The following SLC9A1 variants were observed in gnomAD, a reference collection of about 807,000 sequenced individuals.
The protein encoded by SLC9A1 is sodium/hydrogen exchanger 1.
SLC9A1 carries 22 observed loss-of-function variants against 67.9 expected under a neutral mutation model. The observed-to-expected ratio is 0.32, with a 90% CI of 0.23 to 0.46. SLC9A1 has a LOEUF of 0.46. SLC9A1 is among the 20% of genes least tolerant of loss of function. The pLI is 1.00. For missense variants in SLC9A1, 686 were observed against 1,094.8 expected, an observed-to-expected ratio of 0.63 and a Z score of 5.27; for synonymous variants, 421 against 471.8, an observed-to-expected ratio of 0.89 and a Z score of 1.40.
At chr1:27,123,851 G>T (rs1389577551) in intron 1 of SLC9A1, among the ~76,000 whole-genome samples, 1 of 148,510 alleles carries the variant, frequency 6.7e-6, no homozygotes, top group Non-Finnish European at 1.5e-5. Context: ...TTTTGAGACG[G>T]AGTCCCGCAC....
chr1:27,131,947 A>AAAAAAAATATATATATATATATAT, intron 1 of SLC9A1, among the ~76,000 whole-genome samples: 1 of 52,126 alleles, frequency 1.9e-5, no homozygotes, highest in African/African-American at 6.3e-5. Context: ...AGAAAAAAAA[A>AAAAAAAATATATATATATATATAT]ATATATATAT....
At position 27,105,986 on chromosome 1, in the gene SLC9A1, C is replaced by G; in HGVS notation, c.1384G>C (p.Ala462Pro). Residue 462 changes from alanine (A) to proline (P), a missense_variant, in exon 5 of 12, where the codon GCC (alanine) becomes CCC (proline). Transcript: ENST00000263980. ...IAYGGLRGAI[A>P]FSLGYLLDKK... is the part of the protein sequence containing the mutation. ...TCCAGGAGGTAGCCCAGAGAGAAGG[C>G]GATGGCCCCTCGCAGGCCCCCATAG... 6.2e-7 allele frequency: 1 copy of G among 1,613,546 alleles called. No individual in the cohort carries two copies. Among genetic ancestry groups the G allele is most frequent in the Non-Finnish European group, 8.5e-7 (1 of 1,179,884 alleles).
chr1:27,107,985 C>T, intron 3 of SLC9A1, 120 bp from the exon 4 acceptor site: 1 of 704,136 alleles, frequency 1.4e-6, no homozygotes, highest in South Asian at 1.7e-5. Flanking sequence ...CCTCTATGGG[C>T]CAGGGGCCCG....
intron 1 of SLC9A1, among the ~76,000 whole-genome samples, chr1:27,143,907 T>A (rs2083466586): frequency 6.6e-6 from 1 of 152,210 alleles, no homozygotes; most frequent in Admixed American, 6.5e-5. Context: ...ACAAGACAGT[T>A]AACAGTGGTA....
intron 1 of SLC9A1, among the ~76,000 whole-genome samples, chr1:27,151,814 A>T (rs531043182): frequency 2.7e-4 from 41 of 152,280 alleles, no homozygotes; most frequent in Admixed American, 7.8e-4. Context: ...TCTTTAGACC[A>T]CCTTTCTCTC....
intron 1 of SLC9A1, among the ~76,000 whole-genome samples, chr1:27,131,947 A>AAAAAAAAAAT: frequency 1.6e-3 from 85 of 52,090 alleles, no homozygotes; most frequent in Non-Finnish European, 2.3e-3. Flanking sequence ...AGAAAAAAAA[A>AAAAAAAAAAT]ATATATATAT....
intron 1 of SLC9A1, among the ~76,000 whole-genome samples, chr1:27,142,952 T>A (rs544421668): frequency 6.6e-6 from 1 of 151,154 alleles, no homozygotes; most frequent in South Asian, 2.1e-4. Context: ...CCCAGACCAG[T>A]TAGTCCTCTA....
Position 27,114,326 on chromosome 1 carries a change from A to G in SLC9A1, c.353-40T>C, listed in dbSNP as rs367881059. On this transcript the variant is annotated intron_variant, in intron 1 of 11. Transcript: ENST00000263980. This position sits in a 1 kb window ranked among gnomAD's most constrained non-coding sequence, Gnocchi z 5.4. ...AGAACGGGAGGCCATGGGCTTTCGGAGGAGCCAGGAGAATAGAAGGTTGGG... is the reference window on the plus strand; with the variant it reads ...AGAACGGGAGGCCATGGGCTTTCGGGGGAGCCAGGAGAATAGAAGGTTGGG... 6.5e-6 allele frequency: 10 copies of G among 1,531,822 alleles called. No homozygotes were observed. Among genetic ancestry groups the G allele is most frequent in the Non-Finnish European group, 8.9e-6 (10 of 1,119,690 alleles). 94.9% of individuals were successfully genotyped at this position (1,531,822 alleles called of 1,614,324 possible). A position where few individuals can be genotyped will look rare whatever the true frequency, so the allele number is the denominator to read the frequency against.
intron 1 of SLC9A1, among the ~76,000 whole-genome samples, chr1:27,146,789 C>T (rs563685971): frequency 6.6e-6 from 1 of 151,936 alleles, no homozygotes; most frequent in East Asian, 1.9e-4. Context: ...CAAAAATAAA[C>T]AAAATAAAAA....
rs1199965335 is a variant in SLC9A1 at position 27,101,819 on chromosome 1, G to T, written c.1943C>A (p.Ser648Tyr). The T allele has an allele frequency of 1.2e-6, 2 of 1,611,300 alleles. No homozygotes were observed. The highest frequency in any genetic ancestry group is 1.1e-5 in the South Asian group (1 of 90,964). Reference protein sequence around the residue: ...NLQKTRQRLRSYNRHTLVADP... With the variant: ...NLQKTRQRLRYYNRHTLVADP... ...TGCCACCAGCGTGTGTCTGTTGTAGGACCGCAGCTGTGGGAGGGACAGCGT... is the reference window on the plus strand; with the variant it reads ...TGCCACCAGCGTGTGTCTGTTGTAGTACCGCAGCTGTGGGAGGGACAGCGT... The change falls in exon 10 of 12, where the codon TCC (serine) becomes TAC (tyrosine). Residue 648 changes from serine (S) to tyrosine (Y), a missense_variant. Ser to Tyr is a moderately radical substitution (Grantham distance 144). Around this residue, in one of 7 missense-constraint regions of SLC9A1, gnomAD observed 226 missense variants for 282.4 expected, o/e 0.80. Coordinates refer to ENST00000263980, the MANE Select transcript of SLC9A1 (RefSeq NM_003047.5). The surrounding 1 kb of genome is among the most constrained non-coding windows in gnomAD (Gnocchi z 4.9).
At chr1:27,123,509 C>T (rs931959907) in intron 1 of SLC9A1, among the ~76,000 whole-genome samples, 2 of 143,498 alleles carry the variant, frequency 1.4e-5, no homozygotes, top group Non-Finnish European at 1.5e-5. Context: ...TTTTATTGGG[C>T]TTTTTTTTTT....
intron 3 of SLC9A1, among the ~76,000 whole-genome samples, chr1:27,108,822 T>C (rs529337558): frequency 1.2e-4 from 18 of 152,168 alleles, no homozygotes; most frequent in African/African-American, 3.9e-4. Context: ...CTTGACCCAA[T>C]AGGAGTCAAT....
At chr1:27,150,986 T>C (rs951834156) in intron 1 of SLC9A1, among the ~76,000 whole-genome samples, 1 of 152,164 alleles carries the variant, frequency 6.6e-6, no homozygotes, top group Non-Finnish European at 1.5e-5. Flanking sequence ...GCTCCCAGGC[T>C]CTTGGGTATC....
At chr1:27,105,715 G>C in intron 5 of SLC9A1, 170 bp downstream of exon 5, 1 of 721,482 alleles carries the variant, frequency 1.4e-6, no homozygotes, top group Non-Finnish European at 2.6e-6. Context: ...CTTTACGATT[G>C]AAGAAACTGA....
Position 27,118,913 on chromosome 1 carries a change from TCAA to T in SLC9A1, c.353-4630_353-4628del, listed in dbSNP as rs2083288594. ...ACAAGGAGGCACGAAAGTGTGGAATTCAACATCTCCAAGCACAGCCACAGGCCA... is the reference window on the plus strand; with the variant it reads ...ACAAGGAGGCACGAAAGTGTGGAATTCATCTCCAAGCACAGCCACAGGCCA... On this transcript the variant is annotated intron_variant, in intron 1 of 11. Transcript: ENST00000263980. This position sits in a 1 kb window ranked among gnomAD's most constrained non-coding sequence, Gnocchi z 4.3. 1.3e-5 allele frequency among the ~76,000 whole-genome samples: 2 copies of T among 152,034 alleles called. No individual in the cohort carries two copies. The highest frequency in any genetic ancestry group is 4.8e-5 in the African/African-American group (2 of 41,384).
chr1:27,113,864 C>A lies in SLC9A1; in HGVS notation c.775G>T (p.Val259Phe). ...IHINELLHIL[V>F]FGESLLNDAV... The stretch of plus-strand genomic sequence containing the variant: ...TCATTGAGCAAGGACTCCCCAAAAA[C>A]AAGGATGTGCAGCAGCTCATTGATG... The change falls in exon 2 of 12, where the codon GTT becomes TTT. Residue 259 changes from valine to phenylalanine, a missense_variant. Val to Phe is a conservative substitution (Grantham distance 50). Around this residue, in one of 7 missense-constraint regions of SLC9A1, gnomAD observed 13 missense variants for 56.6 expected, o/e 0.23. Coordinates refer to ENST00000263980, the MANE Select transcript of SLC9A1 (RefSeq NM_003047.5). 1 of 1,613,996 alleles carries A rather than the reference C, an allele frequency of 6.2e-7. No homozygotes were observed. Among genetic ancestry groups the A allele is most frequent in the Non-Finnish European group, 8.5e-7 (1 of 1,179,856 alleles).
Position 27,109,685 on chromosome 1 carries a change from G to A in SLC9A1, c.906C>T (p.Ala302=), listed in dbSNP as rs1187682223. 1.2e-6 allele frequency: 2 copies of A among 1,613,880 alleles called. No individual in the cohort carries two copies. The highest frequency in any genetic ancestry group is 2.2e-5 in the East Asian group (1 of 44,892). Residue 302 remains alanine, a synonymous_variant, in exon 3 of 12, where the codon GCC becomes GCT. Transcript: ENST00000263980. The surrounding 1 kb of genome is among the most constrained non-coding windows in gnomAD (Gnocchi z 5.5). ...CCACGCCCACAAGCACCCCGCCCAG[G>A]GCCACCACGAAGAAGCTCAGGAAGC... The part of the protein sequence containing the change: ...FLGFLSFFVV[A]LGGVLVGVVY...
intron 1 of SLC9A1, among the ~76,000 whole-genome samples, chr1:27,144,786 A>G (rs1441590202): frequency 6.6e-6 from 1 of 152,214 alleles, no homozygotes; most frequent in Non-Finnish European, 1.5e-5. Context: ...AGGTGGGTGG[A>G]TCACCTGAGG....
chr1:27,114,381 T>C lies in SLC9A1; in HGVS notation c.353-95A>G. ...GGCCGGGGATGAGGAGCGCAGTTGG[T>C]GAGAGGTGCACAGGCTGGGTCTCAG... is the stretch of plus-strand genomic sequence containing the variant. On this transcript the variant is annotated intron_variant, in intron 1 of 11. Coordinates refer to ENST00000263980, the MANE Select transcript of SLC9A1 (RefSeq NM_003047.5). This position sits in a 1 kb window ranked among gnomAD's most constrained non-coding sequence, Gnocchi z 5.4. 1.0e-6 allele frequency: 1 copy of C among 954,708 alleles called. No homozygotes were observed. The highest frequency in any genetic ancestry group is 1.6e-6 in the Non-Finnish European group (1 of 630,884). 59.1% of individuals were successfully genotyped at this position (954,708 alleles called of 1,614,324 possible).
Sources: gnomAD v4.1 joint callset for allele counts (sites outside exome capture counted in the v4.1 genomes callset) on GRCh38, gnomAD v4.1.1 for gene constraint, gnomAD v4.1.1 regional missense constraint, Gnocchi (gnomAD v3.1) non-coding constraint, MANE v1.5 for transcripts, NCBI Gene and HGNC (gene_info 2026-07-23, HGNC 2026-07-21) for gene names.